Variants in RPIA observed in about 807,000 individuals in gnomAD.
RPIA encodes the protein ribose-5-phosphate isomerase.
In RPIA, 29 loss-of-function variants were observed where a neutral mutation model predicts 37.8. That is an observed-to-expected ratio of 0.77 (90% CI 0.57 to 1.05). The LOEUF is 1.05. RPIA is among the 50% of genes least tolerant of loss of function. The pLI is 0.00. For synonymous variants in RPIA, 167 were observed against 157.0 expected (o/e 1.06, Z -0.48); for missense variants, 385 against 413.6 (o/e 0.93, Z 0.60).
intron 3 of RPIA, 82 bp downstream of exon 3, chr2:88,700,146 C>A: frequency 1.5e-6 from 2 of 1,316,302 alleles, no homozygotes; most frequent in Non-Finnish European, 2.2e-6. Flanking sequence ...ATGGCCTTGT[C>A]TTGTACCTCA....
intron 1 of RPIA, among the ~76,000 whole-genome samples, chr2:88,695,663 G>T (rs1672731110): frequency 6.6e-6 from 1 of 152,118 alleles, no homozygotes; most frequent in Non-Finnish European, 1.5e-5. Context: ...TTGCCTTTGG[G>T]GATTGTCCAG....
At chr2:88,701,854 C>T (rs1672836887) in intron 3 of RPIA, among the ~76,000 whole-genome samples, 1 of 152,128 alleles carries the variant, frequency 6.6e-6, no homozygotes, top group East Asian at 1.9e-4. Context: ...ATAATTTTGG[C>T]TGGAGTTTTA....
chr2:88,745,547 G>A (rs1038373388), intron 8 of RPIA, among the ~76,000 whole-genome samples: 27 of 152,114 alleles, frequency 1.8e-4, no homozygotes, highest in African/African-American at 6.5e-4. Flanking sequence ...GCTTAGTTTT[G>A]CTGGATACAA....
Position 88,750,212 on chromosome 2 carries a change from A to G in RPIA, c.*134A>G. 1.6e-6 allele frequency: 1 copy of G among 632,628 alleles called. No individual in the cohort carries two copies. The highest frequency in any genetic ancestry group is 3.0e-6 in the Non-Finnish European group (1 of 337,232). The allele number at this position is 632,628 out of a possible 1,614,324, so 39.2% of individuals were successfully genotyped here. A position where few individuals can be genotyped will look rare whatever the true frequency, so the allele number is the denominator to read the frequency against. On this transcript the variant is annotated 3_prime_UTR_variant, in exon 9 of 9. Transcript: ENST00000283646. ...GGTGGGGGGTGGGGGGAAGAGTGGG[A>G]GGGGGAGTTAAATCCAGTCTTATGA...
Position 88,750,457 on chromosome 2 carries a change from T to C in RPIA, c.*379T>C. 2.3e-6 allele frequency: 1 copy of C among 431,212 alleles called. No homozygotes were observed. The highest frequency in any genetic ancestry group is 7.2e-5 in the South Asian group (1 of 13,816). The allele number at this position is 431,212 out of a possible 1,614,324, so 26.7% of individuals were successfully genotyped here. ...TTTGCTGAGAAATAAAAATCAAAAC[T>C]TCTTTAAGCTGGTAAAGTGAGGGGC... On this transcript the variant is annotated 3_prime_UTR_variant, in exon 9 of 9. Transcript: ENST00000283646.
At chr2:88,718,191 G>C (rs1673059572) in intron 3 of RPIA, among the ~76,000 whole-genome samples, 1 of 152,072 alleles carries the variant, frequency 6.6e-6, no homozygotes, top group South Asian at 2.1e-4. Flanking sequence ...AAAAACATAG[G>C]CAAGACTAGA....
rs559819467 is a variant in RPIA, at chr2:88,693,772, A to G, written c.285+1789A>G. ...AGTAGGGCTTCCTGTTCTCTAGTCC[A>G]TTGGAGTTCCAATATGGTGACCACT... is the stretch of plus-strand genomic sequence containing the variant. On this transcript the variant is annotated intron_variant, in intron 1 of 8. Coordinates refer to ENST00000283646, the MANE Select transcript of RPIA (RefSeq NM_144563.3). 5.9e-5 allele frequency among the ~76,000 whole-genome samples: 9 copies of G among 152,354 alleles called. No individual in the cohort carries two copies. The South Asian group carries it at 1.7e-3, about 28-fold the overall frequency.
intron 3 of RPIA, among the ~76,000 whole-genome samples, chr2:88,721,562 CA>C (rs1673129265): frequency 5.7e-5 from 4 of 70,574 alleles, no homozygotes; most frequent in Admixed American, 1.6e-4. Context: ...CACACACACA[CA>C]CACACACACC....
At chr2:88,715,103 G>T (rs1240464014) in intron 3 of RPIA, among the ~76,000 whole-genome samples, 1 of 152,230 alleles carries the variant, frequency 6.6e-6, no homozygotes. Context: ...GTTTGTAGCA[G>T]AGAAAGGTTT....
At chr2:88,722,677 A>G (rs993848832) in intron 3 of RPIA, among the ~76,000 whole-genome samples, 2 of 152,360 alleles carry the variant, frequency 1.3e-5, no homozygotes, top group East Asian at 3.9e-4. Flanking sequence ...CTCTCACAGT[A>G]CAAGGTGATC....
intron 3 of RPIA, among the ~76,000 whole-genome samples, 180 bp downstream of exon 3, chr2:88,700,244 T>C (rs1672812036): frequency 6.6e-6 from 1 of 152,222 alleles, no homozygotes; most frequent in South Asian, 2.1e-4. Flanking sequence ...GTGCATTTGT[T>C]TAATCACTTG....
chr2:88,750,885 C>T lies in RPIA; in HGVS notation c.*807C>T, dbSNP rs886056426. ...CATGGTTTGGCGTCAGAAGTCCTTACCTCTTTATATTGTTTGCAGGTTTAA... is the reference window on the plus strand; with the variant it reads ...CATGGTTTGGCGTCAGAAGTCCTTATCTCTTTATATTGTTTGCAGGTTTAA... On this transcript the variant is annotated 3_prime_UTR_variant, in exon 9 of 9. Transcript: ENST00000283646. 7.6e-6 allele frequency: 3 copies of T among 395,684 alleles called. No individual in the cohort carries two copies. 24.5% of individuals were successfully genotyped at this position (395,684 alleles called of 1,614,324 possible). A position where few individuals can be genotyped will look rare whatever the true frequency, so the allele number is the denominator to read the frequency against.
At chr2:88,734,417 T>C in intron 4 of RPIA, 135 bp from the exon 5 acceptor site, 2 of 826,376 alleles carry the variant, frequency 2.4e-6, no homozygotes, top group Non-Finnish European at 4.2e-6. Flanking sequence ...TAGCTCAATT[T>C]CTTGATTTGC....
At position 88,726,281 on chromosome 2, in the gene RPIA, C is replaced by G. The variant is rs567087068; in HGVS notation, c.403-2997C>G. On this transcript the variant is annotated intron_variant, in intron 3 of 8. Transcript: ENST00000283646. The stretch of plus-strand genomic sequence containing the variant: ...GGTTGTCGTGATCATTTAAGGCAAG[C>G]TTGTCCAACTCGTGGCCCAAGATGG... 2.0e-5 allele frequency among the ~76,000 whole-genome samples: 3 copies of G among 152,242 alleles called. No homozygotes were observed. The South Asian group carries it at 6.2e-4, about 32-fold the overall frequency.
intron 1 of RPIA, among the ~76,000 whole-genome samples, chr2:88,696,156 A>G (rs555636239): frequency 6.6e-6 from 1 of 152,158 alleles, no homozygotes; most frequent in Admixed American, 6.5e-5. Flanking sequence ...AGGTTTTACT[A>G]TGGGCTTTCC....
intron 4 of RPIA, among the ~76,000 whole-genome samples, chr2:88,733,806 T>A (rs868516386): frequency 6.6e-6 from 1 of 152,238 alleles, no homozygotes; most frequent in African/African-American, 2.4e-5. Flanking sequence ...ACAATGTCCA[T>A]GCAGAGTACC....
chr2:88,705,580 A>G (rs1672888255), intron 3 of RPIA, among the ~76,000 whole-genome samples: 1 of 152,236 alleles, frequency 6.6e-6, no homozygotes, highest in Non-Finnish European at 1.5e-5. Context: ...AGGAACTTAA[A>G]TGTAAAACCC....
chr2:88,717,187 G>A (rs1475277202), intron 3 of RPIA, among the ~76,000 whole-genome samples: 1 of 152,102 alleles, frequency 6.6e-6, no homozygotes, highest in Non-Finnish European at 1.5e-5. Context: ...TAGGGAGGGA[G>A]GAGGTTAGAG....
intron 8 of RPIA, among the ~76,000 whole-genome samples, chr2:88,746,677 G>A (rs1673441640): frequency 6.6e-6 from 1 of 152,200 alleles, no homozygotes; most frequent in South Asian, 2.1e-4. Flanking sequence ...GAGTGAAGTG[G>A]ACTCTGTGGG....
Sources: gnomAD v4.1 joint callset for allele counts (sites outside exome capture counted in the v4.1 genomes callset) on GRCh38, gnomAD v4.1.1 for gene constraint, MANE v1.5 for transcripts, NCBI Gene and HGNC (gene_info 2026-07-23, HGNC 2026-07-21) for gene names.